The following KCNK16 variants were observed in gnomAD, a reference collection of about 807,000 sequenced individuals.
KCNK16 encodes potassium two pore domain channel subfamily K member 16.
In KCNK16, 23 loss-of-function variants were observed where a neutral mutation model predicts 23.0. That is an observed-to-expected ratio of 1.00 (90% confidence interval 0.72 to 1.41). The LOEUF is 1.41. Among genes scored for constraint, KCNK16 ranks in the 40% most tolerant of loss-of-function variants. The pLI, the probability that KCNK16 is intolerant of heterozygous loss-of-function variation, is 0.00. For synonymous variants in KCNK16, 145 were observed against 153.5 expected (o/e 0.94, Z 0.41); for missense variants, 327 against 365.8 (o/e 0.89, Z 0.87).
At chr6:39,318,182 T>G (rs1762397126) in intron 2 of KCNK16, among the ~76,000 whole-genome samples, 1 of 152,246 alleles carries the variant, frequency 6.6e-6, no homozygotes, top group African/African-American at 2.4e-5. Context: ...TGACTGCCGA[T>G]TTCCTTCTCC....
intron 1 of KCNK16, among the ~76,000 whole-genome samples, chr6:39,320,220 C>T (rs1268935333): frequency 7.1e-6 from 1 of 140,560 alleles, no homozygotes; most frequent in African/African-American, 3.3e-5. Context: ...CTGTCTGCTT[C>T]TCCTCACTTT....
At chr6:39,320,331 G>A (rs1762469145) in intron 1 of KCNK16, among the ~76,000 whole-genome samples, 1 of 152,164 alleles carries the variant, frequency 6.6e-6, no homozygotes, top group Admixed American at 6.5e-5. Flanking sequence ...CTCGTTCTCT[G>A]GAGACCCTCA....
Position 39,316,883 on chromosome 6 carries a change from G to A in KCNK16, c.560C>T (p.Pro187Leu). The A allele has an allele frequency of 6.2e-7, 1 of 1,613,866 alleles. No homozygotes were observed. The highest frequency in any genetic ancestry group is 8.5e-7 in the Non-Finnish European group (1 of 1,179,962). ...CTCCACATGGCTGAAGACCATGGGT[G>A]GGAAGATGAGAATGACCAGCGTCCC... ...TLGTLVILIF[P>L]PMVFSHVEGW... Residue 187 changes from proline to leucine, a missense_variant, in exon 4 of 5, where the codon CCA (proline) becomes CTA (leucine). Physicochemically the swap from Pro to Leu is moderately conservative, Grantham distance 98. Transcript: ENST00000437525.
rs978396874 is a variant in KCNK16 at position 39,319,697 on chromosome 6, G to T, written c.214-564C>A. ...TGCTCTCTAGTGAGCCTCAGCCCTT[G>T]CCTATGGGAGAAATTCTAACAGAGG... On this transcript the variant is annotated intron_variant, in intron 1 of 4. Transcript: ENST00000437525. This position sits in a 1 kb window ranked among gnomAD's most constrained non-coding sequence, Gnocchi z 4.2. Among the ~76,000 whole-genome samples, 2 of 152,034 alleles carry T rather than the reference G, an allele frequency of 1.3e-5. No individual in the cohort carries two copies. The highest frequency in any genetic ancestry group is 4.8e-5 in the African/African-American group (2 of 41,368).
chr6:39,319,187 C>T lies in KCNK16; in HGVS notation c.214-54G>A. On this transcript the variant is annotated intron_variant, in intron 1 of 4. Transcript: ENST00000437525. This position sits in a 1 kb window ranked among gnomAD's most constrained non-coding sequence, Gnocchi z 4.2. ...AGAAGGAGCTGATGGTTACTGGGCACCAGTTGTTGCCATGCTTTTGGCAGC... is the reference window on the plus strand; with the variant it reads ...AGAAGGAGCTGATGGTTACTGGGCATCAGTTGTTGCCATGCTTTTGGCAGC... 3.1e-6 allele frequency: 3 copies of T among 971,996 alleles called. No individual in the cohort carries two copies. Among genetic ancestry groups the T allele is most frequent in the Non-Finnish European group, 5.0e-6 (3 of 598,548 alleles). 60.2% of individuals were successfully genotyped at this position (971,996 alleles called of 1,614,324 possible). A position where few individuals can be genotyped will look rare whatever the true frequency, so the allele number is the denominator to read the frequency against.
At chr6:39,317,340 C>T (rs1015065722) in intron 3 of KCNK16, among the ~76,000 whole-genome samples, 1 of 152,224 alleles carries the variant, frequency 6.6e-6, no homozygotes, top group Non-Finnish European at 1.5e-5. Flanking sequence ...TTGTTTGCTA[C>T]TGCACAAAAG....
At position 39,316,510 on chromosome 6, in the gene KCNK16, G is replaced by A; in HGVS notation, c.662-68C>T. The A allele has an allele frequency of 2.7e-6, 4 of 1,505,328 alleles. No homozygotes were observed. The South Asian group carries it at 4.0e-5, about 15-fold the overall frequency. The allele number at this position is 1,505,328 out of a possible 1,614,324, so 93.2% of individuals were successfully genotyped here. A position where few individuals can be genotyped will look rare whatever the true frequency, so the allele number is the denominator to read the frequency against. On this transcript the variant is annotated intron_variant, in intron 4 of 4. Coordinates refer to ENST00000437525, the MANE Select transcript of KCNK16 (RefSeq NM_001135106.2). ...CATAGCCACCTCCAGTTTCCATAGGGACCCTCACCAGCCAGGATGCTCTCT... is the reference window on the plus strand; with the variant it reads ...CATAGCCACCTCCAGTTTCCATAGGAACCCTCACCAGCCAGGATGCTCTCT...
chr6:39,316,792 G>A lies in KCNK16; in HGVS notation c.651C>T (p.Asp217=), dbSNP rs1452652890. The change falls in exon 4 of 5, where the codon GAC becomes GAT. Residue 217 remains aspartate (D), a synonymous_variant. Transcript: ENST00000437525. The stretch of plus-strand genomic sequence containing the variant: ...CTGTTTTGTTCTCACCAACAACATA[G>A]TCCCCAAAGCCAATGGTGCTGAGAG... ...FITLSTIGFG[D]YVVGTDPSKH... 3 of 1,613,752 alleles carry A rather than the reference G, an allele frequency of 1.9e-6. No homozygotes were observed. The highest frequency in any genetic ancestry group is 2.7e-5 in the African/African-American group (2 of 74,886).
rs1445213880 is a variant in KCNK16, at chr6:39,316,300, A to G, written c.804T>C (p.Ser268=). The part of the protein sequence containing the change: ...LHRCCQLWLL[S]RGLGVKDGAA... ...CCCCATCCTTGACGCCGAGGCCCCT[A>G]CTGAGCAGCCAGAGCTGGCAGCATC... The change falls in exon 5 of 5, where the codon AGT becomes AGC. Residue 268 remains serine, a synonymous_variant. Transcript: ENST00000437525. The G allele has an allele frequency of 4.4e-6, 7 of 1,605,460 alleles. No individual in the cohort carries two copies. The highest frequency in any genetic ancestry group is 5.9e-6 in the Non-Finnish European group (7 of 1,176,798).
intron 3 of KCNK16, among the ~76,000 whole-genome samples, chr6:39,317,262 G>C (rs540601624): frequency 6.6e-6 from 1 of 152,236 alleles, no homozygotes; most frequent in African/African-American, 2.4e-5. Context: ...AACTGTCTGC[G>C]TATTTCTGGC....
At position 39,316,255 on chromosome 6, in the gene KCNK16, C is replaced by A. The variant is rs1372950090; in HGVS notation, c.849G>T (p.Gly283=). The change falls in exon 5 of 5, where the codon GGG becomes GGT. Residue 283 remains glycine, a synonymous_variant. Transcript: ENST00000437525. ...TGGGGATCTTCTGAGGCCTGGGGAG[C>A]CCACTGGGGTCAGAGGCTGCCCCAT... The part of the protein sequence containing the change: ...VKDGAASDPS[G]LPRPQKIPIS... The A allele has an allele frequency of 6.4e-7, 1 of 1,568,750 alleles. No homozygotes were observed. Among genetic ancestry groups the A allele is most frequent in the East Asian group, 2.3e-5 (1 of 42,838 alleles).
At position 39,322,502 on chromosome 6, in the gene KCNK16, C is replaced by T. The variant is rs1033976843; in HGVS notation, c.39G>A (p.Arg13=). The T allele has an allele frequency of 1.2e-6, 2 of 1,611,252 alleles. No homozygotes were observed. Among genetic ancestry groups the T allele is most frequent in the Non-Finnish European group, 1.7e-6 (2 of 1,179,388 alleles). Residue 13 remains arginine (R), a synonymous_variant, in exon 1 of 5, where the codon CGG becomes CGA. Coordinates refer to ENST00000437525, the MANE Select transcript of KCNK16 (RefSeq NM_001135106.2). ...SAGLCSCWGG[R]VLPLLLAYVC... ...CATAGGCCAGCAGCAGGGGCAGCAC[C>T]CGGCCACCCCAGCAGCTGCAGAGCC...
chr6:39,317,771 A>T lies in KCNK16; in HGVS notation c.495+15T>A, dbSNP rs755607481. The T allele has an allele frequency of 1.3e-6, 2 of 1,567,344 alleles. No individual in the cohort carries two copies. The highest frequency in any genetic ancestry group is 1.7e-6 in the Non-Finnish European group (2 of 1,156,592). ...ATCTGTCACAGCAGGCCTGTAAGGG[A>T]GTTAGGGGGCATACCTGGGAGCGCC... is the stretch of plus-strand genomic sequence containing the variant. On this transcript the variant is annotated intron_variant, in intron 3 of 4. Coordinates refer to ENST00000437525, the MANE Select transcript of KCNK16 (RefSeq NM_001135106.2).
chr6:39,316,064 A>G (rs2113848192), downstream of KCNK16: 2 of 1,114,858 alleles, frequency 1.8e-6, no homozygotes, highest in East Asian at 2.7e-5. Flanking sequence ...TCTTGGATAT[A>G]CCTGTCTCCT....
At position 39,319,123 on chromosome 6, in the gene KCNK16, T is replaced by A. The variant is rs754182367; in HGVS notation, c.224A>T (p.Glu75Val). The change falls in exon 2 of 5, where the codon GAA becomes GTA. Residue 75 changes from glutamate (E) to valine (V), a missense_variant. Transcript: ENST00000437525. This position sits in a 1 kb window ranked among gnomAD's most constrained non-coding sequence, Gnocchi z 4.2. ...GGGGTTCACACCTTTCACCCAGGCT[T>A]CCATGATGACCTGTAGGGGGTGGCA... ...AMEQFVQVIM[E>V]AWVKGVNPKG... The A allele has an allele frequency of 6.2e-7, 1 of 1,611,462 alleles. No homozygotes were observed. Among genetic ancestry groups the A allele is most frequent in the Non-Finnish European group, 8.5e-7 (1 of 1,177,684 alleles).
chr6:39,320,117 G>T (rs1562091264), intron 1 of KCNK16, among the ~76,000 whole-genome samples: 1 of 152,196 alleles, frequency 6.6e-6, no homozygotes, highest in African/African-American at 2.4e-5. Context: ...AATTCCTATG[G>T]GAACCAGTTC....
intron 1 of KCNK16, 103 bp downstream of exon 1, chr6:39,322,225 G>C: frequency 6.7e-7 from 1 of 1,487,868 alleles, no homozygotes; most frequent in Non-Finnish European, 9.0e-7. Context: ...TCTTCCAAAT[G>C]GGGCATCAGC....
At chr6:39,318,586 C>G (rs766934229) in intron 2 of KCNK16, among the ~76,000 whole-genome samples, 3 of 152,172 alleles carry the variant, frequency 2.0e-5, no homozygotes, top group African/African-American at 7.2e-5. Context: ...AATCAACCCC[C>G]GCTCCCAGTT....
At position 39,316,342 on chromosome 6, in the gene KCNK16, G is replaced by A. The variant is rs780158065; in HGVS notation, c.762C>T (p.Gly254=). The change falls in exon 5 of 5, where the codon GGC becomes GGT. Residue 254 remains glycine, a synonymous_variant. Coordinates refer to ENST00000437525, the MANE Select transcript of KCNK16 (RefSeq NM_001135106.2). ...LAWLALILPL[G]PLLLHRCCQL... is the part of the protein sequence containing the mutation. ...GGCAGCATCTGTGCAGAAGCAGGGG[G>A]CCCAGTGGGAGGATCAGCGCCAGCC... 6.2e-6 allele frequency: 10 copies of A among 1,611,896 alleles called. No individual in the cohort carries two copies. The African/African-American group carries it at 1.3e-4, about 22-fold the overall frequency.
Sources: gnomAD v4.1 joint callset for allele counts (sites outside exome capture counted in the v4.1 genomes callset) on GRCh38, gnomAD v4.1.1 for gene constraint, Gnocchi (gnomAD v3.1) non-coding constraint, MANE v1.5 for transcripts, NCBI Gene and HGNC (gene_info 2026-07-23, HGNC 2026-07-21) for gene names.